CSMD1: variants seen among roughly 807,000 people sequenced by gnomAD.
CSMD1 encodes the protein CUB and sushi domain-containing protein 1.
A neutral mutation model predicts 417.5 loss-of-function variants in CSMD1; 213 were observed. The ratio of observed to expected loss-of-function variants is 0.51; its 90% CI spans 0.46 to 0.57. CSMD1 has a LOEUF of 0.57. Ranked by LOEUF, CSMD1 falls within the 20% of genes least tolerant of loss-of-function variation. The probability of loss-of-function intolerance (pLI) is 0.00; values close to 1 mark genes in which losing one functional copy is unlikely to be tolerated. For missense variants in CSMD1, 6,923 were observed against 4,529.7 expected, an observed-to-expected ratio of 1.53 and a Z score of -15.17; for synonymous variants, 2,862 against 1,736.8, an observed-to-expected ratio of 1.65 and a Z score of -16.11.
chr8:4,052,745 A>G (rs1056271627), intron 3 of CSMD1, among the ~76,000 whole-genome samples: 3 of 151,080 alleles, frequency 2.0e-5, no homozygotes, highest in Non-Finnish European at 2.9e-5. Flanking sequence ...TGATAAAAGA[A>G]CAAGTTTTAA....
At chr8:3,151,287 A>G (rs575329372) in intron 40 of CSMD1, 110 bp downstream of exon 40, 5 of 674,212 alleles carry the variant, frequency 7.4e-6, no homozygotes, top group Non-Finnish European at 7.8e-6. Context: ...GCCACTTTCA[A>G]TTACAGATAC....
intron 6 of CSMD1, among the ~76,000 whole-genome samples, chr8:3,724,814 T>C (rs764231297): frequency 5.3e-5 from 8 of 152,158 alleles, no homozygotes; most frequent in Admixed American, 1.3e-4. Context: ...GCAGAAACTG[T>C]AGGTATTTTC....
At chr8:4,486,204 C>CATACAT (rs1801393138) in intron 2 of CSMD1, among the ~76,000 whole-genome samples, 1 of 16,912 alleles carries the variant, frequency 5.9e-5, no homozygotes, top group East Asian at 2.5e-3. Context: ...TATATACATA[C>CATACAT]ATATATATAT....
At chr8:3,467,886 A>C (rs112744390) in intron 12 of CSMD1, among the ~76,000 whole-genome samples, 2,769 of 152,320 alleles carry the variant, frequency 0.018, 99 homozygotes, top group African/African-American at 0.062. Flanking sequence ...TACACTTGGG[A>C]AATAAGAACA....
chr8:4,737,267 T>C (rs1810303289), intron 1 of CSMD1, among the ~76,000 whole-genome samples: 1 of 152,056 alleles, frequency 6.6e-6, no homozygotes, highest in Non-Finnish European at 1.5e-5. Context: ...TTCTCACTTA[T>C]AAGTGGGAGC....
At chr8:3,004,244 GTTTA>G (rs1807680781) in intron 52 of CSMD1, among the ~76,000 whole-genome samples, 1 of 152,100 alleles carries the variant, frequency 6.6e-6, no homozygotes, top group Admixed American at 6.5e-5. Flanking sequence ...TGCAGACTTT[GTTTA>G]TTTATTATTC....
intron 49 of CSMD1, among the ~76,000 whole-genome samples, chr8:3,084,467 G>C (rs193160173): frequency 6.3e-5 from 9 of 143,702 alleles, no homozygotes; most frequent in African/African-American, 2.1e-4. Flanking sequence ...AAGTTGCCGT[G>C]AGCCGAGATC....
intron 1 of CSMD1, among the ~76,000 whole-genome samples, chr8:4,794,228 A>C (rs929205175): frequency 7.5e-6 from 1 of 132,998 alleles, no homozygotes; most frequent in African/African-American, 2.5e-5. Flanking sequence ...TTTTTATCAC[A>C]CTTTTTGTCA....
Position 3,981,500 on chromosome 8 carries a change from TAAAA to T in CSMD1, c.818+16399_818+16402del, listed in dbSNP as rs200296436. On this transcript the variant is annotated intron_variant, in intron 5 of 69. Transcript: ENST00000635120. The stretch of plus-strand genomic sequence containing the variant: ...TACTCCAATAACTTATAGAAAAAAG[TAAAA>T]AAAAAAAAAAAAAAAAAAAAAGAAC... 6.8e-3 allele frequency among the ~76,000 whole-genome samples: 783 copies of T among 115,050 alleles called. 5 individuals are homozygous for T. Among genetic ancestry groups the T allele is most frequent in the African/African-American group, 0.023 (706 of 30,160 alleles). 75.5% of individuals were successfully genotyped at this position (115,050 alleles called of 152,430 possible).
At chr8:3,926,714 CTTTTTTTTT>C (rs56721822) in intron 5 of CSMD1, among the ~76,000 whole-genome samples, 26 of 103,496 alleles carry the variant, frequency 2.5e-4, no homozygotes, top group African/African-American at 1.0e-3. Context: ...AAATTGACAC[CTTTTTTTTT>C]TTTTTTTTTT....
At chr8:4,609,843 T>A (rs1324857756) in intron 2 of CSMD1, among the ~76,000 whole-genome samples, 1 of 152,204 alleles carries the variant, frequency 6.6e-6, no homozygotes, top group Non-Finnish European at 1.5e-5. Context: ...CCCTGAGCTT[T>A]CTGATAGCTC....
At chr8:3,751,584 T>C (rs1021882542) in intron 6 of CSMD1, among the ~76,000 whole-genome samples, 4 of 150,872 alleles carry the variant, frequency 2.7e-5, no homozygotes, top group Admixed American at 6.6e-5. Flanking sequence ...TATAATGTAG[T>C]TGTATTGTTT....
At chr8:3,210,771 C>T (rs565618699) in intron 30 of CSMD1, among the ~76,000 whole-genome samples, 2 of 151,326 alleles carry the variant, frequency 1.3e-5, no homozygotes, top group Admixed American at 6.6e-5. Context: ...ATGGCTAATA[C>T]TTTACCCATG....
intron 1 of CSMD1, among the ~76,000 whole-genome samples, chr8:4,671,678 A>C (rs917109838): frequency 6.6e-6 from 1 of 152,160 alleles, no homozygotes; most frequent in African/African-American, 2.4e-5. Context: ...GATTCAGTTT[A>C]TAGATTTATT....
chr8:3,166,513 A>C (rs566206525), intron 37 of CSMD1, among the ~76,000 whole-genome samples: 1 of 152,110 alleles, frequency 6.6e-6, no homozygotes, highest in Non-Finnish European at 1.5e-5. Context: ...CAGCCTGGGC[A>C]ACAGAGCGAG....
At position 3,262,220 on chromosome 8, in the gene CSMD1, T is replaced by A. The variant is rs1474535791; in HGVS notation, c.4153+21924A>T. Among the ~76,000 whole-genome samples the A allele has an allele frequency of 1.8e-5, 2 of 111,832 alleles. 1 individual carries two copies. The highest frequency in any genetic ancestry group is 6.9e-5 in the African/African-American group (2 of 28,880). The allele number at this position is 111,832 out of a possible 152,430, so 73.4% of individuals were successfully genotyped here. A position where few individuals can be genotyped will look rare whatever the true frequency, so the allele number is the denominator to read the frequency against. Reference sequence around the variant, plus strand: ...ATATATATATATATATATATATATATATATATATATACACACACATAGTTA... The same window carrying A: ...ATATATATATATATATATATATATAAATATATATATACACACACATAGTTA... On this transcript the variant is annotated intron_variant, in intron 26 of 69. Transcript: ENST00000635120.
intron 2 of CSMD1, among the ~76,000 whole-genome samples, chr8:4,584,810 A>G (rs976779745): frequency 6.6e-6 from 1 of 152,020 alleles, no homozygotes; most frequent in Non-Finnish European, 1.5e-5. Context: ...AAAAATTGCT[A>G]CCTGTCTCTG....
intron 3 of CSMD1, among the ~76,000 whole-genome samples, chr8:4,404,258 T>C (rs1563138219): frequency 6.6e-6 from 1 of 152,180 alleles, no homozygotes; most frequent in Non-Finnish European, 1.5e-5. Context: ...ATAGGCTATA[T>C]ATTTATGTCA....
intron 49 of CSMD1, among the ~76,000 whole-genome samples, chr8:3,068,553 A>G (rs1460396): frequency 0.78 from 118,935 of 152,072 alleles, 46,766 homozygotes; most frequent in East Asian, 0.85. Context: ...TTATAAAGAC[A>G]TTTAGTTGGC....
Sources: allele counts gnomAD v4.1 joint callset (sites outside exome capture counted in the v4.1 genomes callset), GRCh38; gene constraint gnomAD v4.1.1; transcripts MANE v1.5; gene names NCBI Gene and HGNC (gene_info 2026-07-23, HGNC 2026-07-21).